Variants in RUNDC3B observed in about 807,000 individuals in gnomAD.
The protein encoded by RUNDC3B is RUN domain containing 3B.
In RUNDC3B, 33 loss-of-function variants were observed where a neutral mutation model predicts 58.4. That is an observed-to-expected ratio of 0.56 (90% CI 0.43 to 0.75). The LOEUF is 0.75. Among genes scored for constraint, RUNDC3B ranks in the 30% least tolerant of loss-of-function variants. The pLI, the probability that RUNDC3B is intolerant of heterozygous loss-of-function variation, is 0.00. For synonymous variants in RUNDC3B, 193 were observed against 195.2 expected, an observed-to-expected ratio of 0.99 and a Z score of 0.10; for missense variants, 501 against 535.7, an observed-to-expected ratio of 0.94 and a Z score of 0.64.
chr7:87,768,659 G>A (rs908096811), intron 6 of RUNDC3B, among the ~76,000 whole-genome samples: 2 of 152,150 alleles, frequency 1.3e-5, no homozygotes, highest in African/African-American at 4.8e-5. Flanking sequence ...GGTGAGGGGT[G>A]CAAAGAAATG....
chr7:87,646,898 T>C (rs1823059381), intron 1 of RUNDC3B, among the ~76,000 whole-genome samples: 2 of 152,174 alleles, frequency 1.3e-5, no homozygotes, highest in African/African-American at 4.8e-5. Flanking sequence ...ATCCGTTAGG[T>C]ACAAGAAACT....
intron 8 of RUNDC3B, 47 bp from the exon 9 acceptor site, chr7:87,807,326 T>C (rs772514748): frequency 5.0e-6 from 8 of 1,599,440 alleles, no homozygotes; most frequent in Non-Finnish European, 6.8e-6. Flanking sequence ...TCCTCTGCCA[T>C]TGTAGAACAG....
intron 7 of RUNDC3B, among the ~76,000 whole-genome samples, chr7:87,773,241 T>A (rs1335773521): frequency 6.8e-6 from 1 of 147,270 alleles, no homozygotes; most frequent in Non-Finnish European, 1.5e-5. Flanking sequence ...GAGAATGGCA[T>A]GAACCCGCGA....
chr7:87,704,740 A>G (rs1829436438), intron 3 of RUNDC3B, among the ~76,000 whole-genome samples: 1 of 152,234 alleles, frequency 6.6e-6, no homozygotes, highest in Non-Finnish European at 1.5e-5. Context: ...GTGGGGAAAG[A>G]GAATTATTTG....
intron 4 of RUNDC3B, among the ~76,000 whole-genome samples, chr7:87,715,978 T>C (rs1830533495): frequency 6.6e-6 from 1 of 152,068 alleles, no homozygotes; most frequent in African/African-American, 2.4e-5. Flanking sequence ...ACTTGATGAT[T>C]GCATATAGGC....
intron 8 of RUNDC3B, among the ~76,000 whole-genome samples, chr7:87,780,576 C>A (rs137992999): frequency 1.9e-3 from 284 of 152,174 alleles, no homozygotes; most frequent in African/African-American, 6.2e-3. Context: ...TTGATAGTTT[C>A]TTTTGCTGTG....
At chr7:87,815,305 GT>G (rs1156342052) in intron 9 of RUNDC3B, among the ~76,000 whole-genome samples, 4 of 152,016 alleles carry the variant, frequency 2.6e-5, no homozygotes, top group Non-Finnish European at 4.4e-5. Context: ...ATTAGATGGT[GT>G]TTGGCTACCT....
intron 4 of RUNDC3B, among the ~76,000 whole-genome samples, chr7:87,718,046 A>G (rs917398432): frequency 2.0e-5 from 3 of 152,200 alleles, no homozygotes; most frequent in African/African-American, 7.2e-5. Context: ...TCATTGATAT[A>G]AAAACCATAT....
chr7:87,701,751 A>G (rs1829056264), intron 3 of RUNDC3B, among the ~76,000 whole-genome samples: 1 of 152,218 alleles, frequency 6.6e-6, no homozygotes, highest in Admixed American at 6.5e-5. Context: ...GATTTTCTTC[A>G]TATACTTCAA....
chr7:87,737,024 A>G (rs1287014676), intron 4 of RUNDC3B, among the ~76,000 whole-genome samples: 1 of 148,900 alleles, frequency 6.7e-6, no homozygotes, highest in Non-Finnish European at 1.5e-5. Context: ...CAGCCTCCCA[A>G]GTAGCTGGGA....
intron 8 of RUNDC3B, among the ~76,000 whole-genome samples, chr7:87,798,825 AGAATATTTCAT>A (rs1360626036): frequency 6.6e-6 from 1 of 152,218 alleles, no homozygotes; most frequent in Non-Finnish European, 1.5e-5. Flanking sequence ...TTTTTGGGCA[AGAATATTTCAT>A]TGGTAAATAG....
intron 10 of RUNDC3B, among the ~76,000 whole-genome samples, chr7:87,821,814 G>A (rs371627078): frequency 2.0e-5 from 3 of 152,140 alleles, no homozygotes; most frequent in African/African-American, 7.2e-5. Context: ...TTAATAAATG[G>A]TGCTGGGAAA....
intron 8 of RUNDC3B, among the ~76,000 whole-genome samples, chr7:87,805,000 A>G (rs1448987429): frequency 6.6e-6 from 1 of 152,184 alleles, no homozygotes; most frequent in Non-Finnish European, 1.5e-5. Flanking sequence ...AACAACCACA[A>G]TCAATTCTTG....
intron 6 of RUNDC3B, among the ~76,000 whole-genome samples, 194 bp from the exon 7 acceptor site, chr7:87,770,387 G>A (rs538203338): frequency 7.9e-5 from 12 of 151,928 alleles, no homozygotes; most frequent in Non-Finnish European, 1.0e-4. Context: ...GTTGGTTTCC[G>A]AGAGGGAGTC....
chr7:87,719,426 A>G (rs1012160372), intron 4 of RUNDC3B, among the ~76,000 whole-genome samples: 129 of 151,838 alleles, frequency 8.5e-4, no homozygotes, highest in African/African-American at 2.9e-3. Flanking sequence ...AAATAAATAT[A>G]AAAAATATAC....
chr7:87,660,858 T>C (rs1289242515), intron 2 of RUNDC3B, among the ~76,000 whole-genome samples: 8 of 152,116 alleles, frequency 5.3e-5, no homozygotes, highest in Non-Finnish European at 5.9e-5. Flanking sequence ...TTTCTGAAAA[T>C]AGGAGATTTT....
intron 6 of RUNDC3B, among the ~76,000 whole-genome samples, chr7:87,748,190 T>C (rs1832758973): frequency 6.6e-6 from 1 of 152,150 alleles, no homozygotes; most frequent in African/African-American, 2.4e-5. Context: ...TTTGCTCGGC[T>C]CTCCAGATTG....
chr7:87,791,569 G>A (rs1835522935), intron 8 of RUNDC3B, among the ~76,000 whole-genome samples: 2 of 152,028 alleles, frequency 1.3e-5, no homozygotes, highest in African/African-American at 2.4e-5. Flanking sequence ...TAAAAAGCAG[G>A]GGGATAAAGT....
chr7:87,736,878 TATATATA>T (rs1831998114), intron 4 of RUNDC3B, among the ~76,000 whole-genome samples: 1 of 37,940 alleles, frequency 2.6e-5, no homozygotes, highest in African/African-American at 1.2e-4. Flanking sequence ...TATATATATA[TATATATA>T]TATATTTTTT....
Sources: gnomAD v4.1 joint callset for allele counts (sites outside exome capture counted in the v4.1 genomes callset) on GRCh38, gnomAD v4.1.1 for gene constraint, MANE v1.5 for transcripts, NCBI Gene and HGNC (gene_info 2026-07-23, HGNC 2026-07-21) for gene names.